The following MIA3 variants were observed in gnomAD, a reference collection of about 807,000 sequenced individuals.
MIA3 encodes the protein MIA SH3 domain ER export factor 3, also known as transport and Golgi organization protein 1 homolog.
A neutral mutation model predicts 192.4 loss-of-function variants in MIA3; 90 were observed. The ratio of observed to expected loss-of-function variants is 0.47; its 90% confidence interval spans 0.39 to 0.56. The LOEUF (loss-of-function observed/expected upper bound fraction) is 0.56. Ranked by LOEUF, MIA3 falls within the 20% of genes least tolerant of loss-of-function variation. The pLI is 0.00. For synonymous variants in MIA3, 740 were observed against 792.8 expected, an observed-to-expected ratio of 0.93 and a Z score of 1.12; for missense variants, 2,123 against 2,269.4, an observed-to-expected ratio of 0.94 and a Z score of 1.31.
In MIA3 at chr1:222,654,739, A is replaced by G. The variant is rs1465001571; in HGVS notation, c.4553A>G (p.Gln1518Arg). ...GLEDECKTLRQKVEILNELYQ... is the reference protein window; with the variant it reads ...GLEDECKTLRRKVEILNELYQ... The stretch of plus-strand genomic sequence containing the variant: ...GAAGATGAATGCAAAACCTTGAGGC[A>G]GAAAGTGGAGATTCTGAATGAGCTC... The change falls in exon 18 of 28, where the codon CAG (glutamine) becomes CGG (arginine). Residue 1518 changes from glutamine (Q) to arginine (R), a missense_variant. Gln to Arg is a conservative substitution (Grantham distance 43). Coordinates refer to ENST00000344922, the MANE Select transcript of MIA3 (RefSeq NM_198551.4). 6.2e-7 allele frequency: 1 copy of G among 1,614,228 alleles called. No homozygotes were observed. Among genetic ancestry groups the G allele is most frequent in the Non-Finnish European group, 8.5e-7 (1 of 1,180,022 alleles).
intron 7 of MIA3, chr1:222,648,031 G>A (rs1218695558): frequency 1.2e-5 from 3 of 240,546 alleles, no homozygotes; most frequent in African/African-American, 4.5e-5. Flanking sequence ...CATTTGAAAG[G>A]GAAAATATGT....
Position 222,627,949 on chromosome 1 carries a change from T to A in MIA3, c.729T>A (p.Ser243Arg), listed in dbSNP as rs1662195114. The stretch of plus-strand genomic sequence containing the variant: ...AAGATAAACTAAAAGTGCCAGAAAG[T>A]GAAAACAACAAAACCAGCAATAGTT... ...MLQDKLKVPE[S>R]ENNKTSNSSQ... The change falls in exon 4 of 28, where the codon AGT becomes AGA. Residue 243 changes from serine (S) to arginine (R), a missense_variant. Ser to Arg is a moderately radical substitution (Grantham distance 110). Coordinates refer to ENST00000344922, the MANE Select transcript of MIA3 (RefSeq NM_198551.4). The A allele has an allele frequency of 2.5e-6, 4 of 1,613,856 alleles. No homozygotes were observed. Among genetic ancestry groups the A allele is most frequent in the Non-Finnish European group, 1.7e-6 (2 of 1,180,002 alleles).
chr1:222,642,371 T>TG (rs1166363874), intron 6 of MIA3, among the ~76,000 whole-genome samples: 2 of 152,220 alleles, frequency 1.3e-5, no homozygotes, highest in Non-Finnish European at 2.9e-5. Context: ...AAATGTATTC[T>TG]GACAGCATAC....
chr1:222,664,299 C>T (rs1664171205), intron 27 of MIA3, 151 bp downstream of exon 27: 3 of 775,332 alleles, frequency 3.9e-6, no homozygotes, highest in Non-Finnish European at 6.4e-6. Flanking sequence ...TTTCTTCAGA[C>T]ACAAAGGGTG....
In MIA3 at chr1:222,662,247, T is replaced by C; in HGVS notation, c.5183-6T>C. ...AAGTCTACATCAGTTCTCTGGTCTT[T>C]AACAGATCCAGGATCTGGTACAGCT... is the stretch of plus-strand genomic sequence containing the variant. On this transcript the variant is annotated splice_polypyrimidine_tract_variant and splice_region_variant and intron_variant, in intron 25 of 27. Coordinates refer to ENST00000344922, the MANE Select transcript of MIA3 (RefSeq NM_198551.4). 1 of 1,613,312 alleles carries C rather than the reference T, an allele frequency of 6.2e-7. No individual in the cohort carries two copies. Among genetic ancestry groups the C allele is most frequent in the Non-Finnish European group, 8.5e-7 (1 of 1,179,340 alleles).
chr1:222,622,886 C>T (rs376049536), intron 2 of MIA3, among the ~76,000 whole-genome samples: 26 of 152,340 alleles, frequency 1.7e-4, no homozygotes, highest in Non-Finnish European at 2.8e-4. Context: ...TCTTAAGGAA[C>T]GCTGCCTTCA....
intron 24 of MIA3, chr1:222,660,612 T>A: frequency 4.8e-6 from 1 of 210,050 alleles, no homozygotes; most frequent in Non-Finnish European, 9.6e-6. Context: ...AGCTGACCCT[T>A]GAACAACACA....
chr1:222,636,756 C>T (rs1223229382), intron 6 of MIA3, among the ~76,000 whole-genome samples: 1 of 152,166 alleles, frequency 6.6e-6, no homozygotes, highest in Non-Finnish European at 1.5e-5. Context: ...TCGTGATCCA[C>T]CGGCCTCGGC....
At chr1:222,636,858 C>T (rs1281007416) in intron 6 of MIA3, among the ~76,000 whole-genome samples, 1 of 152,092 alleles carries the variant, frequency 6.6e-6, no homozygotes, top group Non-Finnish European at 1.5e-5. Flanking sequence ...TTTCAGATGC[C>T]TCAGTCTCCC....
At chr1:222,625,870 G>A (rs1314636701) in intron 3 of MIA3, among the ~76,000 whole-genome samples, 6 of 152,156 alleles carry the variant, frequency 3.9e-5, no homozygotes, top group Non-Finnish European at 7.3e-5. Flanking sequence ...TGGAGTAGCT[G>A]GGATTACAGG....
chr1:222,618,372 C>T (rs1444578706), intron 1 of MIA3, 129 bp downstream of exon 1: 2 of 993,936 alleles, frequency 2.0e-6, no homozygotes, highest in South Asian at 4.1e-5. Flanking sequence ...CTGGCCGGCC[C>T]GGGGGTCGCA....
intron 26 of MIA3, chr1:222,662,970 G>A (rs1664099300): frequency 6.5e-6 from 1 of 154,502 alleles, no homozygotes; most frequent in African/African-American, 2.4e-5. Flanking sequence ...GTTCCCAGCA[G>A]TGTCCTTAAA....
chr1:222,641,984 G>T, intron 6 of MIA3: 1 of 358,078 alleles, frequency 2.8e-6, no homozygotes, highest in South Asian at 2.2e-5. Flanking sequence ...AACCATTATA[G>T]ATATGTGCAG....
At chr1:222,663,907 C>A in intron 26 of MIA3, 91 bp from the exon 27 acceptor site, 1 of 1,233,330 alleles carries the variant, frequency 8.1e-7, no homozygotes, top group Non-Finnish European at 1.1e-6. Context: ...TGCCTGACAT[C>A]TGCTTCATTG....
At position 222,662,063 on chromosome 1, in the gene MIA3, G is replaced by T. The variant is rs1388720939; in HGVS notation, c.5121G>T (p.Val1707=). 6.2e-7 allele frequency: 1 copy of T among 1,613,548 alleles called. No homozygotes were observed. Among genetic ancestry groups the T allele is most frequent in the Admixed American group, 1.7e-5 (1 of 59,952 alleles). Reference sequence around the variant, plus strand: ...TGTTATTTCTTTCTCAAGGATCAGTGGACGGGCCTCTACCTCATCCTCGAT... The same window carrying T: ...TGTTATTTCTTTCTCAAGGATCAGTTGACGGGCCTCTACCTCATCCTCGAT... ...RDMPRSEFGS[V]DGPLPHPRWS... The change falls in exon 25 of 28, where the codon GTG becomes GTT. Residue 1707 remains valine, a synonymous_variant. Coordinates refer to ENST00000344922, the MANE Select transcript of MIA3 (RefSeq NM_198551.4).
At chr1:222,641,687 C>A in intron 6 of MIA3, 2 of 547,926 alleles carry the variant, frequency 3.7e-6, no homozygotes, top group East Asian at 5.0e-5. Flanking sequence ...AGGAGTAATT[C>A]TCTTCCCTCA....
At chr1:222,636,924 A>G (rs75902112) in intron 6 of MIA3, among the ~76,000 whole-genome samples, 2,116 of 152,206 alleles carry the variant, frequency 0.014, 58 homozygotes, top group African/African-American at 0.048. Context: ...TGGGTTCCCT[A>G]TCCCTGCACT....
chr1:222,659,648 T>A lies in MIA3; in HGVS notation c.4797T>A (p.His1599Gln). The change falls in exon 21 of 28, where the codon CAT (histidine) becomes CAA (glutamine). Residue 1599 changes from histidine to glutamine, a missense_variant. This residue lies in a region of MIA3 where 762 missense variants were observed against 856.4 expected (regional missense o/e 0.89). Coordinates refer to ENST00000344922, the MANE Select transcript of MIA3 (RefSeq NM_198551.4). ...NQIATHEKKA[H>Q]ENWLKARAAE... ...TCGCTACCCATGAGAAGAAAGCTCATGAAAACTGGGTAAGATTTCTTTTTT... is the reference window on the plus strand; with the variant it reads ...TCGCTACCCATGAGAAGAAAGCTCAAGAAAACTGGGTAAGATTTCTTTTTT... 6.2e-7 allele frequency: 1 copy of A among 1,614,076 alleles called. No homozygotes were observed. The highest frequency in any genetic ancestry group is 2.2e-5 in the East Asian group (1 of 44,862).
At chr1:222,642,627 G>T (rs996007795) in intron 6 of MIA3, among the ~76,000 whole-genome samples, 1 of 152,178 alleles carries the variant, frequency 6.6e-6, no homozygotes, top group Non-Finnish European at 1.5e-5. Flanking sequence ...TTCAGGAGAC[G>T]TTGCCAAATC....
Sources: gnomAD v4.1 joint callset for allele counts (sites outside exome capture counted in the v4.1 genomes callset) on GRCh38, gnomAD v4.1.1 for gene constraint, gnomAD v4.1.1 regional missense constraint, MANE v1.5 for transcripts, NCBI Gene and HGNC (gene_info 2026-07-23, HGNC 2026-07-21) for gene names.